The following ITPR1 variants were observed in gnomAD, a reference collection of about 807,000 sequenced individuals.
ITPR1 encodes inositol 1,4,5-trisphosphate-gated calcium channel ITPR1.
Under a neutral mutation model 318.4 loss-of-function variants are expected in ITPR1, and 96 were observed. The observed-to-expected ratio is 0.30, with a 90% CI of 0.26 to 0.36. The LOEUF is 0.36. Among genes scored for constraint, ITPR1 ranks in the 10% least tolerant of loss-of-function variants. ITPR1 has a pLI of 1.00. For missense variants in ITPR1, 2,440 were observed against 3,460.2 expected, an observed-to-expected ratio of 0.71 and a Z score of 7.40; for synonymous variants, 1,312 against 1,289.9, an observed-to-expected ratio of 1.02 and a Z score of -0.37.
intron 12 of ITPR1, among the ~76,000 whole-genome samples, chr3:4,654,986 TC>T (rs2093674608): frequency 6.6e-6 from 1 of 152,106 alleles, no homozygotes; most frequent in Admixed American, 6.5e-5. Context: ...CACCCCTATT[TC>T]TAGAGTCCAT....
chr3:4,651,496 A>G (rs776478921), intron 10 of ITPR1, among the ~76,000 whole-genome samples: 4 of 152,156 alleles, frequency 2.6e-5, no homozygotes, highest in African/African-American at 4.8e-5. Context: ...TTGTTTCCCT[A>G]TTCTCAGAGA....
At chr3:4,555,468 T>C (rs1185579746) in intron 4 of ITPR1, among the ~76,000 whole-genome samples, 1 of 152,240 alleles carries the variant, frequency 6.6e-6, no homozygotes, top group African/African-American at 2.4e-5. Context: ...TTCTGCAATT[T>C]GGTTTTTTCA....
intron 44 of ITPR1, chr3:4,751,448 T>C (rs1010762296): frequency 2.6e-5 from 4 of 152,164 alleles, no homozygotes; most frequent in African/African-American, 9.7e-5. Flanking sequence ...GTCCATCACA[T>C]TCCCACCAGA....
At chr3:4,564,231 G>A (rs1376850601) in intron 4 of ITPR1, among the ~76,000 whole-genome samples, 2 of 152,068 alleles carry the variant, frequency 1.3e-5, no homozygotes, top group Non-Finnish European at 2.9e-5. Context: ...GTGAGCCACC[G>A]CACCCGGCCG....
chr3:4,663,556 A>G (rs2093883698), intron 16 of ITPR1, among the ~76,000 whole-genome samples: 1 of 152,124 alleles, frequency 6.6e-6, no homozygotes, highest in Non-Finnish European at 1.5e-5. Context: ...GAGTTCCCAT[A>G]TCTCCTCTTG....
chr3:4,733,300 G>A, intron 43 of ITPR1, 80 bp downstream of exon 43: 1 of 1,515,574 alleles, frequency 6.6e-7, no homozygotes, highest in Non-Finnish European at 9.1e-7. Context: ...CTAACAGGTT[G>A]AAATGCTCAC....
intron 44 of ITPR1, chr3:4,735,633 A>C: frequency 2.4e-6 from 1 of 418,682 alleles, no homozygotes; most frequent in South Asian, 3.9e-5. Flanking sequence ...CATAGTGGGC[A>C]CTCCATAAAT....
At chr3:4,580,978 T>C (rs1338591931) in intron 4 of ITPR1, among the ~76,000 whole-genome samples, 1 of 152,140 alleles carries the variant, frequency 6.6e-6, no homozygotes, top group East Asian at 1.9e-4. Flanking sequence ...AACTAACCTC[T>C]CTACCTCTGA....
At chr3:4,641,199 G>A (rs2093329776) in intron 6 of ITPR1, among the ~76,000 whole-genome samples, 1 of 152,164 alleles carries the variant, frequency 6.6e-6, no homozygotes, top group African/African-American at 2.4e-5. Context: ...GAGTTGGGAA[G>A]CCTTGGCCAA....
chr3:4,580,591 G>A (rs1383494445), intron 4 of ITPR1, among the ~76,000 whole-genome samples: 2 of 151,728 alleles, frequency 1.3e-5, no homozygotes, highest in African/African-American at 4.9e-5. Context: ...GTGTCCTGCA[G>A]CTCACTGGTA....
intron 49 of ITPR1, among the ~76,000 whole-genome samples, chr3:4,780,623 G>A (rs1185247614): frequency 6.6e-6 from 1 of 152,134 alleles, no homozygotes; most frequent in Non-Finnish European, 1.5e-5. Context: ...TGTGCACTTG[G>A]GGGCCAGGCA....
chr3:4,689,943 T>C (rs561199545), intron 31 of ITPR1, among the ~76,000 whole-genome samples: 1 of 152,276 alleles, frequency 6.6e-6, no homozygotes, highest in African/African-American at 2.4e-5. Flanking sequence ...AGAATGTACA[T>C]AACACACTCA....
intron 54 of ITPR1, 85 bp downstream of exon 54, chr3:4,800,685 G>T: frequency 7.4e-7 from 1 of 1,357,836 alleles, no homozygotes; most frequent in Non-Finnish European, 1.0e-6. Context: ...ATCCTGGCCT[G>T]TGCTTTCAGT....
intron 60 of ITPR1, among the ~76,000 whole-genome samples, chr3:4,830,676 A>G (rs2050417477): frequency 6.6e-6 from 1 of 152,140 alleles, no homozygotes; most frequent in Admixed American, 6.5e-5. Flanking sequence ...TTCTGAGAAC[A>G]TCCAGTTTGT....
intron 24 of ITPR1, among the ~76,000 whole-genome samples, chr3:4,679,100 G>C (rs2094245262): frequency 6.6e-6 from 1 of 152,126 alleles, no homozygotes; most frequent in Admixed American, 6.5e-5. Flanking sequence ...AACTCTATGA[G>C]AAGCGGTAAA....
chr3:4,510,793 G>A (rs1288457008), intron 2 of ITPR1, among the ~76,000 whole-genome samples: 1 of 152,184 alleles, frequency 6.6e-6, no homozygotes, highest in Non-Finnish European at 1.5e-5. Context: ...TTCATCTGAG[G>A]GGATGGGGAA....
At chr3:4,648,612 C>T (rs1403363295) in intron 10 of ITPR1, among the ~76,000 whole-genome samples, 3 of 152,172 alleles carry the variant, frequency 2.0e-5, no homozygotes, top group African/African-American at 7.2e-5. Flanking sequence ...GAATTCAAGA[C>T]CAACCTGGTC....
chr3:4,817,017 A>G (rs1014239834), intron 59 of ITPR1, among the ~76,000 whole-genome samples: 1 of 152,074 alleles, frequency 6.6e-6, no homozygotes, highest in African/African-American at 2.4e-5. Context: ...ATTTTATTCA[A>G]TGGGCTATTT....
chr3:4,764,914 T>A (rs547637068), intron 44 of ITPR1, among the ~76,000 whole-genome samples: 2 of 152,128 alleles, frequency 1.3e-5, no homozygotes, highest in South Asian at 4.1e-4. Context: ...AGTGCCCACC[T>A]TGTGACAAAT....
Sources: gnomAD v4.1 joint callset for allele counts (sites outside exome capture counted in the v4.1 genomes callset) on GRCh38, gnomAD v4.1.1 for gene constraint, MANE v1.5 for transcripts, NCBI Gene and HGNC (gene_info 2026-07-23, HGNC 2026-07-21) for gene names.